The following ADRA1B variants were observed in gnomAD, a reference collection of about 807,000 sequenced individuals.
ADRA1B encodes alpha-1B adrenergic receptor.
ADRA1B carries 17 observed loss-of-function variants against 17.9 expected under a neutral mutation model. The ratio of observed to expected loss-of-function variants is 0.95; its 90% CI spans 0.65 to 1.42. The LOEUF (loss-of-function observed/expected upper bound fraction) is 1.42, where lower values mean the gene tolerates loss of function less well. Ranked by LOEUF, ADRA1B falls within the 40% of genes most tolerant of loss-of-function variation. The pLI, the probability that ADRA1B is intolerant of heterozygous loss-of-function variation, is 0.00. For missense variants in ADRA1B, 681 were observed against 722.1 expected (o/e 0.94, Z 0.65); for synonymous variants, 366 against 327.6 (o/e 1.12, Z -1.27).
upstream of ADRA1B, among the ~76,000 whole-genome samples, chr5:159,912,914 C>T (rs1441395903): frequency 1.3e-5 from 2 of 152,238 alleles, no homozygotes; most frequent in Non-Finnish European, 2.9e-5. Context: ...TGGTTTCATT[C>T]ATCTTTGGTT....
chr5:159,917,107 T>C lies in ADRA1B; in HGVS notation c.202T>C (p.Leu68=). The part of the protein sequence containing the change: ...FAIVGNILVI[L]SVACNRHLRT... ...CATCGTGGGCAACATCCTAGTCATC[T>C]TGTCTGTGGCCTGCAACCGGCACCT... Residue 68 remains leucine (L), a synonymous_variant, in exon 1 of 2, where the codon TTG becomes CTG. Transcript: ENST00000306675. 1 of 1,614,148 alleles carries C rather than the reference T, an allele frequency of 6.2e-7. No homozygotes were observed. The highest frequency in any genetic ancestry group is 8.5e-7 in the Non-Finnish European group (1 of 1,180,016).
the ADRA1B span, among the ~76,000 whole-genome samples, chr5:159,984,777 C>T: frequency 0.092 from 13,836 of 151,000 alleles, 1,104 homozygotes; most frequent in African/African-American, 0.22. Context: ...GGCATGGTGG[C>T]GAGTGTCTAC....
At chr5:159,875,679 AG>A (rs1239675677) in intron 1 of ADRA1B, among the ~76,000 whole-genome samples, 2 of 152,168 alleles carry the variant, frequency 1.3e-5, no homozygotes, top group Non-Finnish European at 2.9e-5. Context: ...CCCCTTCACA[AG>A]GGGCACACCC....
chr5:159,895,165 C>T (rs1754028715), intron 1 of ADRA1B, among the ~76,000 whole-genome samples: 1 of 152,170 alleles, frequency 6.6e-6, no homozygotes. Flanking sequence ...TTGACCTAGG[C>T]CGACAAGTGG....
chr5:159,945,938 G>A (rs978912685), intron 1 of ADRA1B, among the ~76,000 whole-genome samples: 2 of 152,080 alleles, frequency 1.3e-5, no homozygotes, highest in African/African-American at 2.4e-5. Context: ...TAGTAGAGAT[G>A]GGGTTTCACC....
intron 1 of ADRA1B, among the ~76,000 whole-genome samples, chr5:159,901,721 G>A (rs1169527538): frequency 6.6e-6 from 1 of 152,042 alleles, no homozygotes; most frequent in Non-Finnish European, 1.5e-5. Flanking sequence ...TTCTCCAGAG[G>A]AGATATGCAA....
At chr5:159,927,211 C>G (rs912865011) in intron 1 of ADRA1B, among the ~76,000 whole-genome samples, 2 of 152,126 alleles carry the variant, frequency 1.3e-5, no homozygotes, top group Non-Finnish European at 2.9e-5. Context: ...CCCTCACCCT[C>G]TAGCCATGGT....
chr5:159,872,999 C>T (rs1753765026), intron 1 of ADRA1B, among the ~76,000 whole-genome samples: 1 of 147,826 alleles, frequency 6.8e-6, no homozygotes, highest in Non-Finnish European at 1.5e-5. Context: ...TTGTTCAACT[C>T]CCACCTATGA....
At chr5:159,982,225 A>G in the ADRA1B span, among the ~76,000 whole-genome samples, 2 of 152,266 alleles carry the variant, frequency 1.3e-5, no homozygotes, top group Admixed American at 6.5e-5. Context: ...AGTAACAATA[A>G]TAAATGACTG....
intron 1 of ADRA1B, among the ~76,000 whole-genome samples, chr5:159,934,772 T>C (rs935716497): frequency 1.5e-4 from 23 of 150,266 alleles, no homozygotes; most frequent in African/African-American, 5.4e-4. Flanking sequence ...GCGCCGAGAT[T>C]GCACCACTGC....
intron 1 of ADRA1B, among the ~76,000 whole-genome samples, chr5:159,875,025 C>G (rs1293973199): frequency 6.6e-6 from 1 of 152,096 alleles, no homozygotes; most frequent in Admixed American, 6.6e-5. Context: ...AACAGGATGG[C>G]AATTTCCTGG....
Position 159,972,066 on chromosome 5 carries a change from T to TCGC in ADRA1B, c.1139_1141dup (p.Arg380dup), listed in dbSNP as rs1755881689. On this transcript the variant is annotated inframe_insertion, in exon 2 of 2. Transcript: ENST00000306675. ...GCCGCCGCCGACGCCGCCGCCGCCG[T>TCGC]CGCCTGGGCGGCTGCGCCTACACCT... The TCGC allele has an allele frequency of 7.7e-7, 1 of 1,298,904 alleles. No homozygotes were observed. Among genetic ancestry groups the TCGC allele is most frequent in the Non-Finnish European group, 9.8e-7 (1 of 1,023,118 alleles). The allele number at this position is 1,298,904 out of a possible 1,614,324, so 80.5% of individuals were successfully genotyped here. A position where few individuals can be genotyped will look rare whatever the true frequency, so the allele number is the denominator to read the frequency against.
intron 1 of ADRA1B, among the ~76,000 whole-genome samples, chr5:159,890,459 G>A (rs1447078939): frequency 6.6e-6 from 1 of 152,154 alleles, no homozygotes; most frequent in Non-Finnish European, 1.5e-5. Flanking sequence ...ATTGTTTCTG[G>A]GGATCAGCAT....
intron 1 of ADRA1B, chr5:159,951,246 A>C (rs1263964582): frequency 4.2e-6 from 4 of 959,032 alleles, no homozygotes; most frequent in Non-Finnish European, 6.7e-6. Flanking sequence ...GCCCCATTTG[A>C]TTTTGGAGGG....
At chr5:159,922,402 G>C (rs1754510526) in intron 1 of ADRA1B, among the ~76,000 whole-genome samples, 1 of 152,182 alleles carries the variant, frequency 6.6e-6, no homozygotes, top group Admixed American at 6.5e-5. Flanking sequence ...ACCTGTTCCA[G>C]CACACCAAGG....
chr5:159,955,053 C>A, intron 1 of ADRA1B: 1 of 740,520 alleles, frequency 1.4e-6, no homozygotes, highest in Non-Finnish European at 1.6e-6. Flanking sequence ...GGCATGCATT[C>A]AGCAGCAAAG....
intron 1 of ADRA1B, among the ~76,000 whole-genome samples, chr5:159,967,724 T>G (rs896163121): frequency 4.6e-5 from 7 of 152,250 alleles, no homozygotes; most frequent in Non-Finnish European, 7.4e-5. Flanking sequence ...GCCCTTGGCT[T>G]CTTCTTCTCA....
At chr5:159,871,334 T>G (rs1176227234) in intron 1 of ADRA1B, 3 of 152,114 alleles carry the variant, frequency 2.0e-5, no homozygotes, top group African/African-American at 4.8e-5. Flanking sequence ...TCTATATTGG[T>G]CTCTAAGGCT....
At chr5:159,895,556 CTCTT>C (rs1011881298) in intron 1 of ADRA1B, among the ~76,000 whole-genome samples, 1 of 152,224 alleles carries the variant, frequency 6.6e-6, no homozygotes, top group African/African-American at 2.4e-5. Context: ...TACAATCCCA[CTCTT>C]TCTTAAGATC....
Sources: gnomAD v4.1 joint callset for allele counts (sites outside exome capture counted in the v4.1 genomes callset) on GRCh38, gnomAD v4.1.1 for gene constraint, MANE v1.5 for transcripts, NCBI Gene and HGNC (gene_info 2026-07-23, HGNC 2026-07-21) for gene names.